The following ROR2 variants were observed in gnomAD, a reference collection of about 807,000 sequenced individuals.
ROR2 encodes the protein tyrosine-protein kinase transmembrane receptor ROR2.
Under a neutral mutation model 74.9 loss-of-function variants are expected in ROR2, and 33 were observed. The ratio of observed to expected loss-of-function variants is 0.44; its 90% CI spans 0.33 to 0.59. The LOEUF (loss-of-function observed/expected upper bound fraction) is 0.59, where lower values mean the gene tolerates loss of function less well. ROR2 is among the 20% of genes least tolerant of loss of function. ROR2 has a pLI of 0.02. For missense variants in ROR2, 1,216 were observed against 1,313.8 expected, an observed-to-expected ratio of 0.93 and a Z score of 1.15; for synonymous variants, 586 against 558.7, an observed-to-expected ratio of 1.05 and a Z score of -0.69.
At chr9:91,892,052 GAA>G (rs74312809) in intron 1 of ROR2, among the ~76,000 whole-genome samples, 8,319 of 70,904 alleles carry the variant, frequency 0.12, 396 homozygotes, top group African/African-American at 0.17. Context: ...TGTCTAAGAA[GAA>G]AAAAAAAAAA....
chr9:91,909,847 G>GTTTTTTTTTTTTTTTTTTTTT (rs71362365), intron 1 of ROR2, among the ~76,000 whole-genome samples: 29 of 53,598 alleles, frequency 5.4e-4, no homozygotes, highest in Non-Finnish European at 6.9e-4. Context: ...GGTTTGTTTT[G>GTTTTTTTTTTTTTTTTTTTTT]TTTTTTTTTT....
chr9:91,862,102 T>C lies in ROR2; in HGVS notation c.98-86284A>G, dbSNP rs913643622. On this transcript the variant is annotated intron_variant, in intron 1 of 8. Transcript: ENST00000375708. ...ACTTTGGGAGGCTGAGGAGGGCAGATCACGAGGTCAGGAGATCAAGACCAT... is the reference window on the plus strand; with the variant it reads ...ACTTTGGGAGGCTGAGGAGGGCAGACCACGAGGTCAGGAGATCAAGACCAT... 4.6e-5 allele frequency among the ~76,000 whole-genome samples: 7 copies of C among 152,082 alleles called. No homozygotes were observed. In the East Asian group the frequency reaches 1.2e-3, roughly 25 times the overall value.
chr9:91,836,537 C>T (rs1251873858), intron 1 of ROR2, among the ~76,000 whole-genome samples: 2 of 124,626 alleles, frequency 1.6e-5, no homozygotes, highest in East Asian at 2.4e-4. Flanking sequence ...GAGATTCCAT[C>T]TCAAAAAAAA....
chr9:91,770,536 G>A (rs1046659572), intron 2 of ROR2, among the ~76,000 whole-genome samples: 1 of 152,164 alleles, frequency 6.6e-6, no homozygotes, highest in Non-Finnish European at 1.5e-5. Context: ...GGAACCAGGC[G>A]TGCACCCAGC....
intron 1 of ROR2, among the ~76,000 whole-genome samples, 185 bp downstream of exon 1, chr9:91,949,682 G>T (rs1832116485): frequency 6.6e-6 from 1 of 152,174 alleles, no homozygotes. Context: ...ATTGTAACCA[G>T]CCCGAGGGGG....
At chr9:91,756,729 T>A (rs1587689686) in intron 3 of ROR2, among the ~76,000 whole-genome samples, 1 of 146,808 alleles carries the variant, frequency 6.8e-6, no homozygotes, top group Middle Eastern at 3.5e-3. Flanking sequence ...CTGCACCTAT[T>A]TTCTTTTTGT....
At chr9:91,829,910 T>C (rs1177109492) in intron 1 of ROR2, among the ~76,000 whole-genome samples, 3 of 152,232 alleles carry the variant, frequency 2.0e-5, no homozygotes, top group Non-Finnish European at 4.4e-5. Flanking sequence ...CAGCCCTTTC[T>C]TTGAGTAAAA....
chr9:91,783,221 G>A (rs890538650), intron 1 of ROR2, among the ~76,000 whole-genome samples: 1 of 152,102 alleles, frequency 6.6e-6, no homozygotes, highest in Non-Finnish European at 1.5e-5. Flanking sequence ...GTAAAAACCC[G>A]ATCTCCAAAT....
intron 1 of ROR2, among the ~76,000 whole-genome samples, chr9:91,822,338 C>T (rs527367996): frequency 2.3e-4 from 35 of 152,200 alleles, no homozygotes; most frequent in African/African-American, 8.4e-4. Context: ...TCACTCTGGA[C>T]GATGTGGATG....
At chr9:91,889,468 G>A (rs527773582) in intron 1 of ROR2, among the ~76,000 whole-genome samples, 2 of 152,282 alleles carry the variant, frequency 1.3e-5, no homozygotes, top group African/African-American at 4.8e-5. Flanking sequence ...GTGCCTCGGC[G>A]TCTCTGTTTC....
At chr9:91,810,516 T>C (rs1033810981) in intron 1 of ROR2, among the ~76,000 whole-genome samples, 2 of 152,176 alleles carry the variant, frequency 1.3e-5, no homozygotes, top group African/African-American at 4.8e-5. Context: ...CCAACCCAGC[T>C]GGGACCCTCT....
intron 1 of ROR2, among the ~76,000 whole-genome samples, chr9:91,948,140 C>A (rs1832062545): frequency 6.6e-6 from 1 of 152,184 alleles, no homozygotes; most frequent in African/African-American, 2.4e-5. Context: ...TTACAACCAC[C>A]TTGGCTTAAG....
chr9:91,853,401 G>A (rs897759954), intron 1 of ROR2, among the ~76,000 whole-genome samples: 16 of 152,288 alleles, frequency 1.1e-4, no homozygotes, highest in African/African-American at 1.4e-4. Context: ...AGGTGGCACC[G>A]GGGCAGAGTG....
intron 1 of ROR2, among the ~76,000 whole-genome samples, chr9:91,891,698 C>T (rs1349895459): frequency 6.6e-6 from 1 of 152,162 alleles, no homozygotes; most frequent in Non-Finnish European, 1.5e-5. Flanking sequence ...GGGCTGCAGC[C>T]CCTCTCGGCT....
At chr9:91,742,659 C>T (rs1000561722) in intron 4 of ROR2, among the ~76,000 whole-genome samples, 1 of 152,186 alleles carries the variant, frequency 6.6e-6, no homozygotes, top group Non-Finnish European at 1.5e-5. Flanking sequence ...CGCCTAGTGA[C>T]ATCGGAGCTG....
At chr9:91,746,897 T>G (rs1825440358) in intron 4 of ROR2, among the ~76,000 whole-genome samples, 1 of 151,214 alleles carries the variant, frequency 6.6e-6, no homozygotes, top group Admixed American at 6.6e-5. Flanking sequence ...TGTAGCACAA[T>G]ATGCATGCAC....
intron 1 of ROR2, among the ~76,000 whole-genome samples, chr9:91,841,186 A>T (rs762067254): frequency 2.3e-4 from 35 of 152,244 alleles, no homozygotes; most frequent in Non-Finnish European, 4.7e-4. Context: ...ATACAGAGGG[A>T]TCTGCACGGA....
chr9:91,722,765 C>G lies in ROR2; in HGVS notation c.*897G>C. 1.6e-6 allele frequency: 1 copy of G among 612,108 alleles called. No homozygotes were observed. The allele number at this position is 612,108 out of a possible 1,614,324, so 37.9% of individuals were successfully genotyped here. On this transcript the variant is annotated 3_prime_UTR_variant, in exon 9 of 9. Coordinates refer to ENST00000375708, the MANE Select transcript of ROR2 (RefSeq NM_004560.4). Reference sequence around the variant, plus strand: ...ACAGAGAGAAGCAAACCAAGACCAACTGGATCCCAACGTGGGTAACATAAA... The same window carrying G: ...ACAGAGAGAAGCAAACCAAGACCAAGTGGATCCCAACGTGGGTAACATAAA...
At chr9:91,861,290 T>C (rs1829461070) in intron 1 of ROR2, among the ~76,000 whole-genome samples, 1 of 152,088 alleles carries the variant, frequency 6.6e-6, no homozygotes, top group Non-Finnish European at 1.5e-5. Flanking sequence ...CTAATTCATA[T>C]GGAAATGTGA....
Sources: gnomAD v4.1 joint callset for allele counts (sites outside exome capture counted in the v4.1 genomes callset) on GRCh38, gnomAD v4.1.1 for gene constraint, MANE v1.5 for transcripts, NCBI Gene and HGNC (gene_info 2026-07-23, HGNC 2026-07-21) for gene names.